The following SUMF1 variants were observed in gnomAD, a reference collection of about 807,000 sequenced individuals.
SUMF1 encodes sulfatase modifying factor 1.
In SUMF1, 48 loss-of-function variants were observed where a neutral mutation model predicts 47.6. That is an observed-to-expected ratio of 1.01 (90% CI 0.80 to 1.28). The LOEUF (loss-of-function observed/expected upper bound fraction) is 1.28, where lower values mean the gene tolerates loss of function less well. Ranked by LOEUF, SUMF1 falls within the 50% of genes most tolerant of loss-of-function variation. The probability of loss-of-function intolerance (pLI) is 0.00; values close to 1 mark genes in which losing one functional copy is unlikely to be tolerated. For missense variants in SUMF1, 571 were observed against 485.4 expected (o/e 1.18, Z -1.66); for synonymous variants, 230 against 192.1 (o/e 1.20, Z -1.63).
In SUMF1 at chr3:4,440,907, G is replaced by A. The variant is rs892620319; in HGVS notation, c.519+8359C>T. Among the ~76,000 whole-genome samples the A allele has an allele frequency of 2.6e-5, 4 of 152,042 alleles. No individual in the cohort carries two copies. In the East Asian group the frequency reaches 5.8e-4, roughly 22 times the overall value. On this transcript the variant is annotated intron_variant, in intron 3 of 8. Coordinates refer to ENST00000272902, the MANE Select transcript of SUMF1 (RefSeq NM_182760.4). ...GCTATCCCTTGTGTCAAAGTTTTAC[G>A]AGTCATATTAATAACACAATTATGA...
At chr3:4,453,125 AC>A in intron 1 of SUMF1, 76 bp from the exon 2 acceptor site, 1 of 1,464,864 alleles carries the variant, frequency 6.8e-7, no homozygotes, top group Non-Finnish European at 9.3e-7. Flanking sequence ...AGTTCCTAGC[AC>A]CCAGGAAGCA....
intron 7 of SUMF1, among the ~76,000 whole-genome samples, chr3:4,398,870 G>C (rs1701120261): frequency 6.6e-6 from 1 of 152,150 alleles, no homozygotes; most frequent in South Asian, 2.1e-4. Context: ...CTACTACAAG[G>C]AAATAAGTAG....
In SUMF1 at chr3:4,405,379, T is replaced by G. The variant is rs754918031; in HGVS notation, c.954+5486A>C. 3.2e-4 allele frequency among the ~76,000 whole-genome samples: 48 copies of G among 152,248 alleles called. 1 individual carries two copies. The highest frequency in any genetic ancestry group is 1.7e-3 in the South Asian group (8 of 4,818). On this transcript the variant is annotated intron_variant, in intron 7 of 8. Coordinates refer to ENST00000272902, the MANE Select transcript of SUMF1 (RefSeq NM_182760.4). ...TATCCCAGGTCAATTCTATTTTTTG[T>G]GTGTATTTTGTTTGTTTTATTTTTT...
At chr3:4,182,327 C>T (rs1695113615) in intron 8 of SUMF1, among the ~76,000 whole-genome samples, 1 of 151,328 alleles carries the variant, frequency 6.6e-6, no homozygotes, top group South Asian at 2.1e-4. Context: ...ATTTATAGAG[C>T]ACTGTAAACC....
chr3:4,178,343 A>G (rs1465058805), intron 8 of SUMF1, among the ~76,000 whole-genome samples: 1 of 152,184 alleles, frequency 6.6e-6, no homozygotes, highest in East Asian at 1.9e-4. Flanking sequence ...CTTATCCACC[A>G]CAATCAATTT....
chr3:4,227,099 C>G (rs1203400407), intron 8 of SUMF1, among the ~76,000 whole-genome samples: 3 of 152,128 alleles, frequency 2.0e-5, no homozygotes, highest in African/African-American at 7.2e-5. Flanking sequence ...GCCCTCAACT[C>G]ATGATTCTAC....
At chr3:4,268,881 T>C (rs1438363240) in intron 8 of SUMF1, among the ~76,000 whole-genome samples, 2 of 152,144 alleles carry the variant, frequency 1.3e-5, no homozygotes, top group African/African-American at 2.4e-5. Context: ...AGTGAATGTG[T>C]GTGTGTGTGC....
chr3:4,177,662 T>G (rs1694996896), intron 8 of SUMF1, among the ~76,000 whole-genome samples: 1 of 151,970 alleles, frequency 6.6e-6, no homozygotes, highest in Non-Finnish European at 1.5e-5. Context: ...ATTCAAAAGC[T>G]AGCAGAAGAC....
chr3:4,106,960 G>GA (rs1345260912), intron 8 of SUMF1, among the ~76,000 whole-genome samples: 2 of 151,786 alleles, frequency 1.3e-5, no homozygotes, highest in East Asian at 1.9e-4. Flanking sequence ...ACATAAAAGA[G>GA]AAAAAAAATT....
intron 8 of SUMF1, among the ~76,000 whole-genome samples, chr3:4,369,538 G>C (rs975324396): frequency 3.3e-5 from 5 of 152,178 alleles, no homozygotes; most frequent in Non-Finnish European, 7.4e-5. Flanking sequence ...CTGCAACAAA[G>C]ATCAGGTTCA....
intron 8 of SUMF1, among the ~76,000 whole-genome samples, chr3:4,327,582 T>C (rs1698970836): frequency 6.6e-6 from 1 of 151,598 alleles, no homozygotes; most frequent in South Asian, 2.1e-4. Context: ...TTATAGCTGA[T>C]AACATTAAGA....
At chr3:4,090,493 G>T (rs1445963225) in intron 8 of SUMF1, among the ~76,000 whole-genome samples, 1 of 152,090 alleles carries the variant, frequency 6.6e-6, no homozygotes, top group Non-Finnish European at 1.5e-5. Context: ...AGCCACCCAT[G>T]ACCCTGAATT....
At chr3:4,333,190 C>T (rs561830666) in intron 8 of SUMF1, among the ~76,000 whole-genome samples, 4 of 152,332 alleles carry the variant, frequency 2.6e-5, no homozygotes, top group Admixed American at 2.6e-4. Flanking sequence ...TCTGCCCTTG[C>T]AGAAAGGCAG....
At chr3:4,185,790 G>T (rs1695189337) in intron 8 of SUMF1, among the ~76,000 whole-genome samples, 1 of 152,164 alleles carries the variant, frequency 6.6e-6, no homozygotes, top group South Asian at 2.1e-4. Context: ...GGTAACTGCA[G>T]ACACATGTGA....
At chr3:4,318,227 A>G (rs767068268) in intron 8 of SUMF1, among the ~76,000 whole-genome samples, 11 of 152,244 alleles carry the variant, frequency 7.2e-5, no homozygotes, top group Non-Finnish European at 1.6e-4. Flanking sequence ...GAAATCCAGC[A>G]AGATATCAAA....
intron 8 of SUMF1, among the ~76,000 whole-genome samples, chr3:4,225,332 C>A (rs1482440302): frequency 6.6e-6 from 1 of 152,104 alleles, no homozygotes; most frequent in Non-Finnish European, 1.5e-5. Flanking sequence ...CACACCTTTT[C>A]CTGGGCTGAG....
chr3:4,208,872 G>A (rs1355735972), intron 8 of SUMF1, among the ~76,000 whole-genome samples: 2 of 152,052 alleles, frequency 1.3e-5, no homozygotes, highest in Non-Finnish European at 2.9e-5. Context: ...ATATCAGAAA[G>A]AGAAGAAAGA....
intron 8 of SUMF1, among the ~76,000 whole-genome samples, chr3:4,134,827 G>A (rs1693884642): frequency 6.6e-6 from 1 of 152,116 alleles, no homozygotes. Context: ...ACTACCATCA[G>A]AGAATACTAT....
chr3:4,206,103 C>T (rs1274334026), intron 8 of SUMF1, among the ~76,000 whole-genome samples: 1 of 151,752 alleles, frequency 6.6e-6, no homozygotes, highest in Admixed American at 6.6e-5. Flanking sequence ...CTGCTTGGTG[C>T]TTTATTTAAT....
Sources: gnomAD v4.1 joint callset for allele counts (sites outside exome capture counted in the v4.1 genomes callset) on GRCh38, gnomAD v4.1.1 for gene constraint, MANE v1.5 for transcripts, NCBI Gene and HGNC (gene_info 2026-07-23, HGNC 2026-07-21) for gene names.